SLC8A1: variants seen among roughly 807,000 people sequenced by gnomAD.
The protein encoded by SLC8A1 is sodium/calcium exchanger 1.
A neutral mutation model predicts 68.3 loss-of-function variants in SLC8A1; 18 were observed. That is an observed-to-expected ratio of 0.26 (90% confidence interval 0.18 to 0.39). The LOEUF is 0.39. Ranked by LOEUF, SLC8A1 falls within the 10% of genes least tolerant of loss-of-function variation. The pLI is 1.00. For synonymous variants in SLC8A1, 475 were observed against 415.5 expected (o/e 1.14, Z -1.74); for missense variants, 985 against 1,156.7 (o/e 0.85, Z 2.15).
At chr2:40,466,564 C>T (rs1703685912) in intron 1 of SLC8A1, among the ~76,000 whole-genome samples, 1 of 152,160 alleles carries the variant, frequency 6.6e-6, no homozygotes, top group Non-Finnish European at 1.5e-5. Flanking sequence ...CTGAGCCTTG[C>T]TTCCCTTGCA....
chr2:40,317,049 C>A (rs779557367), intron 2 of SLC8A1, among the ~76,000 whole-genome samples: 2 of 152,022 alleles, frequency 1.3e-5, no homozygotes, highest in Admixed American at 6.6e-5. Context: ...TTGTGTTAAA[C>A]TAATAGCATT....
At chr2:40,353,056 G>C (rs1671609939) in intron 2 of SLC8A1, among the ~76,000 whole-genome samples, 1 of 152,084 alleles carries the variant, frequency 6.6e-6, no homozygotes. Context: ...TCACAGCCTT[G>C]CTTTTGTGTT....
chr2:40,323,774 T>G (rs1044388564), intron 2 of SLC8A1, among the ~76,000 whole-genome samples: 2 of 152,074 alleles, frequency 1.3e-5, no homozygotes, highest in Non-Finnish European at 2.9e-5. Flanking sequence ...TGCTGAGATT[T>G]AGAAATATTT....
intron 2 of SLC8A1, among the ~76,000 whole-genome samples, chr2:40,296,607 A>G (rs1009508831): frequency 7.2e-5 from 11 of 152,200 alleles, no homozygotes; most frequent in Admixed American, 5.9e-4. Flanking sequence ...CAAATAAAAC[A>G]AAGTTAAAGA....
rs547137531 is a variant in SLC8A1, at chr2:40,421,394, G to A, written c.1808+7079C>T. ...TCCTCCTAAGCCCATCTTTATCTCA[G>A]GAAATTTGTCATGGAAAAATGGTGT... On this transcript the variant is annotated intron_variant, in intron 2 of 7. Coordinates refer to ENST00000406785, the Ensembl canonical transcript of SLC8A1. 4.6e-5 allele frequency among the ~76,000 whole-genome samples: 7 copies of A among 152,182 alleles called. No individual in the cohort carries two copies. In the South Asian group the frequency reaches 1.5e-3, roughly 32 times the overall value.
At chr2:40,257,257 C>T (rs992719139) in intron 2 of SLC8A1, among the ~76,000 whole-genome samples, 6 of 152,246 alleles carry the variant, frequency 3.9e-5, no homozygotes, top group African/African-American at 7.2e-5. Context: ...AGCTCACTGT[C>T]GTACTCTAGT....
chr2:40,122,343 C>T (rs890666369), intron 7 of SLC8A1, among the ~76,000 whole-genome samples: 2 of 151,968 alleles, frequency 1.3e-5, no homozygotes, highest in African/African-American at 2.4e-5. Flanking sequence ...TGATTAATAA[C>T]CAGGTAGATG....
chr2:40,249,763 G>A (rs1037888089), intron 2 of SLC8A1, among the ~76,000 whole-genome samples: 12 of 152,098 alleles, frequency 7.9e-5, no homozygotes, highest in African/African-American at 2.9e-4. Flanking sequence ...GGACTGACAA[G>A]CTATAATTTA....
chr2:40,509,759 C>T (rs1203566307), intron 1 of SLC8A1, among the ~76,000 whole-genome samples: 1 of 152,038 alleles, frequency 6.6e-6, no homozygotes, highest in Non-Finnish European at 1.5e-5. Flanking sequence ...CATACTTAAC[C>T]ACCATGAATT....
chr2:40,462,116 C>T (rs1261733223), intron 1 of SLC8A1, among the ~76,000 whole-genome samples: 2 of 149,190 alleles, frequency 1.3e-5, no homozygotes, highest in East Asian at 2.1e-4. Flanking sequence ...GAGCAATTCT[C>T]CTGCCTGAGC....
chr2:40,284,436 T>A (rs1009979940), intron 2 of SLC8A1, among the ~76,000 whole-genome samples: 3 of 147,180 alleles, frequency 2.0e-5, no homozygotes, highest in Non-Finnish European at 4.5e-5. Flanking sequence ...TATCTATATA[T>A]CTATATATAA....
At chr2:40,350,170 C>A (rs949886729) in intron 2 of SLC8A1, among the ~76,000 whole-genome samples, 2 of 152,112 alleles carry the variant, frequency 1.3e-5, no homozygotes, top group African/African-American at 4.8e-5. Context: ...ACTCAGAATT[C>A]TCTTAAAACT....
intron 2 of SLC8A1, among the ~76,000 whole-genome samples, chr2:40,419,910 A>G (rs1027566330): frequency 6.6e-6 from 1 of 152,178 alleles, no homozygotes; most frequent in African/African-American, 2.4e-5. Flanking sequence ...TTTACACCAA[A>G]TAGACCAATA....
chr2:40,330,780 T>G (rs1050760112), intron 2 of SLC8A1, among the ~76,000 whole-genome samples: 1 of 152,224 alleles, frequency 6.6e-6, no homozygotes, highest in African/African-American at 2.4e-5. Flanking sequence ...AATAATTGAC[T>G]GATCATGATT....
intron 6 of SLC8A1, among the ~76,000 whole-genome samples, chr2:40,156,965 G>A (rs2044650352): frequency 6.6e-6 from 1 of 152,170 alleles, no homozygotes; most frequent in South Asian, 2.1e-4. Flanking sequence ...GGGCTGATTT[G>A]TTGCCTGGTA....
At chr2:40,489,538 C>G (rs1422829179) in intron 1 of SLC8A1, among the ~76,000 whole-genome samples, 1 of 152,114 alleles carries the variant, frequency 6.6e-6, no homozygotes, top group Non-Finnish European at 1.5e-5. Flanking sequence ...GAGATACCAA[C>G]GCAGTTCTTC....
intron 7 of SLC8A1, among the ~76,000 whole-genome samples, chr2:40,118,130 A>G (rs917074929): frequency 6.6e-6 from 1 of 152,200 alleles, no homozygotes; most frequent in African/African-American, 2.4e-5. Context: ...CACAAGCATT[A>G]TGGGCTAGAT....
chr2:40,340,855 A>G (rs1208023307), intron 2 of SLC8A1, among the ~76,000 whole-genome samples: 1 of 152,134 alleles, frequency 6.6e-6, no homozygotes, highest in Non-Finnish European at 1.5e-5. Context: ...TTCAGAGACA[A>G]TGAGATAGCA....
intron 2 of SLC8A1, among the ~76,000 whole-genome samples, chr2:40,226,314 G>A (rs781607153): frequency 2.6e-5 from 4 of 152,152 alleles, no homozygotes; most frequent in Non-Finnish European, 5.9e-5. Flanking sequence ...AGAGGCTGGA[G>A]GTTTGGATGC....
Sources: allele counts gnomAD v4.1 joint callset (sites outside exome capture counted in the v4.1 genomes callset), GRCh38; gene constraint gnomAD v4.1.1; transcripts MANE v1.5; gene names NCBI Gene and HGNC (gene_info 2026-07-23, HGNC 2026-07-21).